The following CAPN9 variants were observed in gnomAD, a reference collection of about 807,000 sequenced individuals.
CAPN9 encodes calpain-9.
CAPN9 carries 81 observed loss-of-function variants against 92.8 expected under a neutral mutation model. The observed-to-expected ratio is 0.87, with a 90% CI of 0.73 to 1.05. The LOEUF is 1.05. Among genes scored for constraint, CAPN9 ranks in the 50% least tolerant of loss-of-function variants. The probability of loss-of-function intolerance (pLI) is 0.00; values close to 1 mark genes in which losing one functional copy is unlikely to be tolerated. For missense variants in CAPN9, 848 were observed against 866.2 expected, an observed-to-expected ratio of 0.98 and a Z score of 0.26; for synonymous variants, 304 against 328.0, an observed-to-expected ratio of 0.93 and a Z score of 0.79.
intron 1 of CAPN9, among the ~76,000 whole-genome samples, chr1:230,750,411 G>A (rs775017656): frequency 4.6e-5 from 7 of 152,056 alleles, no homozygotes; most frequent in South Asian, 2.1e-4. Flanking sequence ...CCTCATTCTC[G>A]TACCCCTATC....
intron 1 of CAPN9, 58 bp downstream of exon 1, chr1:230,747,767 C>A (rs1322241190): frequency 1.3e-6 from 2 of 1,505,706 alleles, no homozygotes; most frequent in East Asian, 4.5e-5. Flanking sequence ...GCAGCCCCCG[C>A]AGGAAGTGGA....
chr1:230,759,993 A>G (rs1665531570), intron 3 of CAPN9, among the ~76,000 whole-genome samples: 1 of 152,246 alleles, frequency 6.6e-6, no homozygotes, highest in Admixed American at 6.5e-5. Flanking sequence ...ATAAACAGAG[A>G]GGTTCTCTTT....
intron 6 of CAPN9, among the ~76,000 whole-genome samples, chr1:230,770,566 CTGATCCTGG>C (rs953081591): frequency 6.6e-6 from 1 of 152,174 alleles, no homozygotes; most frequent in Non-Finnish European, 1.5e-5. Context: ...CAGGGTGGAA[CTGATCCTGG>C]GGGACACCCA....
chr1:230,771,931 T>C (rs1054297253), intron 6 of CAPN9, 83 bp from the exon 7 acceptor site: 53 of 1,103,352 alleles, frequency 4.8e-5, no homozygotes, highest in Middle Eastern at 4.0e-4. Context: ...ATGGAGCTGG[T>C]CCACCTGGAG....
intron 1 of CAPN9, among the ~76,000 whole-genome samples, chr1:230,750,630 T>C (rs1355138069): frequency 6.6e-6 from 1 of 152,176 alleles, no homozygotes; most frequent in Non-Finnish European, 1.5e-5. Flanking sequence ...GCAGTGGGAC[T>C]CAGCATTACA....
chr1:230,772,151 A>G (rs779666288), intron 7 of CAPN9, 52 bp downstream of exon 7: 26 of 1,490,852 alleles, frequency 1.7e-5, no homozygotes, highest in Middle Eastern at 1.7e-4. Context: ...GTGTGGGGCC[A>G]GAGCTGGCTT....
chr1:230,767,863 A>G (rs1666092667), intron 5 of CAPN9, among the ~76,000 whole-genome samples, 154 bp downstream of exon 5: 2 of 151,190 alleles, frequency 1.3e-5, no homozygotes, highest in African/African-American at 2.4e-5. Flanking sequence ...TTAAAACACA[A>G]GTTTTGGGGG....
At chr1:230,784,392 C>T (rs1215876111) in intron 11 of CAPN9, among the ~76,000 whole-genome samples, 2 of 152,230 alleles carry the variant, frequency 1.3e-5, no homozygotes, top group Non-Finnish European at 2.9e-5. Context: ...TGCAGCAGCA[C>T]CTCCTCCCAT....
chr1:230,790,094 C>A, intron 13 of CAPN9, 38 bp from the exon 14 acceptor site: 2 of 1,540,358 alleles, frequency 1.3e-6, no homozygotes, highest in Non-Finnish European at 1.8e-6. Context: ...AAAGAAGGTG[C>A]CAAGGGCTAT....
intron 2 of CAPN9, among the ~76,000 whole-genome samples, chr1:230,756,985 AGAGGGAGG>A (rs1665262658): frequency 1.2e-5 from 1 of 81,856 alleles, no homozygotes; most frequent in Non-Finnish European, 2.6e-5. Context: ...AGGAAGGGAG[AGAGGGAGG>A]AAGGGAGGGA....
Position 230,791,875 on chromosome 1 carries a change from A to G in CAPN9, c.1669A>G (p.Lys557Glu). The stretch of plus-strand genomic sequence containing the variant: ...ATGTGCAATTTCAGAAAAGGACATC[A>G]AATTCAAGAAGCTAAGCCTGATCTC... ...NAVLQKKKDI[K>E]FKKLSLISCK... Residue 557 changes from lysine to glutamate, a missense_variant, in exon 15 of 20, where the codon AAA becomes GAA. Coordinates refer to ENST00000271971, the MANE Select transcript of CAPN9 (RefSeq NM_006615.3). The G allele has an allele frequency of 6.2e-7, 1 of 1,613,600 alleles. No homozygotes were observed. The highest frequency in any genetic ancestry group is 8.5e-7 in the Non-Finnish European group (1 of 1,179,472).
At chr1:230,779,851 A>C (rs1456131371) in intron 9 of CAPN9, among the ~76,000 whole-genome samples, 1 of 152,174 alleles carries the variant, frequency 6.6e-6, no homozygotes, top group Non-Finnish European at 1.5e-5. Flanking sequence ...TGAAATACTA[A>C]GTGGAAAAAA....
intron 4 of CAPN9, among the ~76,000 whole-genome samples, chr1:230,765,486 C>T (rs1223758424): frequency 1.3e-5 from 2 of 152,050 alleles, no homozygotes; most frequent in African/African-American, 2.4e-5. Context: ...TGATGAAACT[C>T]AGTCTCTACT....
At chr1:230,787,825 G>A (rs937136700) in intron 13 of CAPN9, among the ~76,000 whole-genome samples, 5 of 152,228 alleles carry the variant, frequency 3.3e-5, no homozygotes, top group African/African-American at 1.2e-4. Context: ...TGAGCCCAAA[G>A]AAGCTTGGAA....
intron 5 of CAPN9, among the ~76,000 whole-genome samples, chr1:230,768,049 TAAATAAAAAATA>T (rs777577862): frequency 0.047 from 3,440 of 73,786 alleles, 84 homozygotes; most frequent in Admixed American, 0.13. Flanking sequence ...AATAAATAAA[TAAATAAAAAATA>T]AAATAAAATA....
chr1:230,772,189 C>A, intron 7 of CAPN9, 90 bp downstream of exon 7: 1 of 1,048,428 alleles, frequency 9.5e-7, no homozygotes, highest in Admixed American at 1.7e-5. Flanking sequence ...AGTGGCCTGT[C>A]TACTATCCTC....
intron 2 of CAPN9, among the ~76,000 whole-genome samples, chr1:230,757,011 T>G (rs200251058): frequency 5.9e-5 from 5 of 85,186 alleles, no homozygotes; most frequent in African/African-American, 9.5e-5. Context: ...GGAGGGAGGA[T>G]GGAAGGAAGG....
chr1:230,753,996 C>G (rs956204460), intron 1 of CAPN9, among the ~76,000 whole-genome samples: 1 of 152,142 alleles, frequency 6.6e-6, no homozygotes, highest in African/African-American at 2.4e-5. Context: ...TATGGTTTGT[C>G]TCTTCCTCAA....
chr1:230,767,827 T>G, intron 5 of CAPN9, 118 bp downstream of exon 5: 2 of 936,700 alleles, frequency 2.1e-6, no homozygotes, highest in Non-Finnish European at 3.2e-6. Flanking sequence ...GGCATAACTC[T>G]TGGGGGCAGT....
Sources: allele counts gnomAD v4.1 joint callset (sites outside exome capture counted in the v4.1 genomes callset), GRCh38; gene constraint gnomAD v4.1.1; transcripts MANE v1.5; gene names NCBI Gene and HGNC (gene_info 2026-07-23, HGNC 2026-07-21).